Variants in SETD3 observed in about 807,000 individuals in gnomAD.
SETD3 encodes the protein SET domain containing 3, actin N3(tau)-histidine methyltransferase, also known as actin-histidine N-methyltransferase.
Under a neutral mutation model 63.0 loss-of-function variants are expected in SETD3, and 19 were observed. The ratio of observed to expected loss-of-function variants is 0.30; its 90% CI spans 0.21 to 0.44. The LOEUF (loss-of-function observed/expected upper bound fraction) is 0.44, where lower values mean the gene tolerates loss of function less well. SETD3 is among the 20% of genes least tolerant of loss of function. The probability of loss-of-function intolerance (pLI) is 1.00; values close to 1 mark genes in which losing one functional copy is unlikely to be tolerated. For missense variants in SETD3, 587 were observed against 728.5 expected, an observed-to-expected ratio of 0.81 and a Z score of 2.24; for synonymous variants, 286 against 264.1, an observed-to-expected ratio of 1.08 and a Z score of -0.80.
chr14:99,472,164 TC>T (rs1895738507), intron 1 of SETD3, among the ~76,000 whole-genome samples: 3 of 152,140 alleles, frequency 2.0e-5, no homozygotes, highest in African/African-American at 7.2e-5. Context: ...GGCCTGCAGT[TC>T]CCAAGGATGA....
intron 1 of SETD3, among the ~76,000 whole-genome samples, chr14:99,469,945 T>C (rs927315621): frequency 6.6e-6 from 1 of 152,184 alleles, no homozygotes; most frequent in African/African-American, 2.4e-5. Context: ...ATTCTTAAAC[T>C]TCATATAAGT....
At chr14:99,400,358 A>T in intron 11 of SETD3, 99 bp from the exon 12 acceptor site, 1 of 1,296,262 alleles carries the variant, frequency 7.7e-7, no homozygotes, top group Non-Finnish European at 1.1e-6. Context: ...CAACAACGCC[A>T]TTTTCCCACG....
intron 12 of SETD3, 86 bp downstream of exon 12, chr14:99,400,013 T>C: frequency 7.9e-7 from 1 of 1,264,588 alleles, no homozygotes; most frequent in Non-Finnish European, 1.1e-6. Context: ...AGTGCTGGGA[T>C]TACAGGCGTG....
At chr14:99,412,083 A>G (rs1424805494) in intron 8 of SETD3, 1 of 152,270 alleles carries the variant, frequency 6.6e-6, no homozygotes, top group Non-Finnish European at 1.5e-5. Context: ...CAGAGAAAAG[A>G]TGAACATAAA....
At chr14:99,416,424 G>T (rs1892294413) in intron 6 of SETD3, among the ~76,000 whole-genome samples, 2 of 152,182 alleles carry the variant, frequency 1.3e-5, no homozygotes, top group Non-Finnish European at 2.9e-5. Flanking sequence ...AGGTTTTGTT[G>T]ATTACAATAG....
At chr14:99,426,901 C>T (rs892160432) in intron 6 of SETD3, among the ~76,000 whole-genome samples, 1 of 152,146 alleles carries the variant, frequency 6.6e-6, no homozygotes, top group African/African-American at 2.4e-5. Flanking sequence ...GGGCAGAGGC[C>T]TTGCCTTTCA....
At position 99,406,542 on chromosome 14, in the gene SETD3, G is replaced by A. The variant is rs1422357947; in HGVS notation, c.898C>T (p.Leu300=). Residue 300 remains leucine, a synonymous_variant, in exon 9 of 13, where the codon CTG becomes TTG. Transcript: ENST00000331768. ...TGCTCTCCAGCCCGAAAATCCTGCA[G>A]AGCCACACACTCACAGCGGTCATCT... ...LEDDRCECVA[L]QDFRAGEQIY... The A allele has an allele frequency of 1.2e-6, 2 of 1,614,186 alleles. No homozygotes were observed. Among genetic ancestry groups the A allele is most frequent in the Non-Finnish European group, 1.7e-6 (2 of 1,180,042 alleles).
chr14:99,430,163 TGAG>T (rs972101440), intron 6 of SETD3, among the ~76,000 whole-genome samples: 1 of 152,188 alleles, frequency 6.6e-6, no homozygotes, highest in African/African-American at 2.4e-5. Context: ...TGGCTCCCAC[TGAG>T]GAGGAGAAGA....
At chr14:99,455,318 T>G (rs1338348354) in intron 6 of SETD3, among the ~76,000 whole-genome samples, 1 of 152,234 alleles carries the variant, frequency 6.6e-6, no homozygotes, top group African/African-American at 2.4e-5. Flanking sequence ...ATTTTCAACA[T>G]GCAATGCCAA....
At chr14:99,444,583 T>C (rs1000153048) in intron 6 of SETD3, among the ~76,000 whole-genome samples, 1 of 152,124 alleles carries the variant, frequency 6.6e-6, no homozygotes. Flanking sequence ...ACATCACCAA[T>C]GGGCCAGGTT....
rs775442946 is a variant in SETD3 at position 99,398,992 on chromosome 14, T to C, written c.1472A>G (p.Gln491Arg). ...SAAVNREYYR[Q>R]QMEEKAPLPK... is the part of the protein sequence containing the mutation. ...AAGCGGAGCCTTTTCCTCCATCTGT[T>C]GGCGATAGTATTCCCGGTTGACAGC... is the stretch of plus-strand genomic sequence containing the variant. The change falls in exon 13 of 13, where the codon CAA becomes CGA. Residue 491 changes from glutamine to arginine, a missense_variant. Coordinates refer to ENST00000331768, the MANE Select transcript of SETD3 (RefSeq NM_032233.3). The C allele has an allele frequency of 1.9e-6, 3 of 1,614,210 alleles. No individual in the cohort carries two copies. Among genetic ancestry groups the C allele is most frequent in the Non-Finnish European group, 2.5e-6 (3 of 1,180,040 alleles).
chr14:99,435,744 CTTT>C (rs60698845), intron 6 of SETD3, among the ~76,000 whole-genome samples: 5 of 130,848 alleles, frequency 3.8e-5, no homozygotes, highest in Non-Finnish European at 3.2e-5. Flanking sequence ...ACCCCCCCAC[CTTT>C]TTTTTTTTTT....
At position 99,400,392 on chromosome 14, in the gene SETD3, G is replaced by C. The variant is rs113032679; in HGVS notation, c.1178-133C>G. 3.8e-4 allele frequency: 351 copies of C among 925,446 alleles called. No homozygotes were observed. The African/African-American group carries it at 5.4e-3, about 14-fold the overall frequency. The allele number at this position is 925,446 out of a possible 1,614,324, so 57.3% of individuals were successfully genotyped here. Reference sequence around the variant, plus strand: ...CGGTAAAAGCTGTCCCTACGCAATGGGCCAGGCCACTCCTAGACTCTCCAA... The same window carrying C: ...CGGTAAAAGCTGTCCCTACGCAATGCGCCAGGCCACTCCTAGACTCTCCAA... On this transcript the variant is annotated intron_variant, in intron 11 of 12. Transcript: ENST00000331768.
intron 4 of SETD3, 46 bp downstream of exon 4, chr14:99,461,146 A>G: frequency 1.2e-6 from 2 of 1,606,182 alleles, no homozygotes; most frequent in East Asian, 4.5e-5. Context: ...AGCACACCAC[A>G]GTTCAAACAC....
intron 6 of SETD3, among the ~76,000 whole-genome samples, chr14:99,416,833 C>T (rs1019744224): frequency 6.6e-4 from 100 of 152,270 alleles, no homozygotes; most frequent in African/African-American, 2.3e-3. Flanking sequence ...TGAACCATTG[C>T]CGTGGCTCAT....
intron 6 of SETD3, among the ~76,000 whole-genome samples, chr14:99,436,836 C>T (rs1352232958): frequency 2.0e-5 from 3 of 152,156 alleles, no homozygotes; most frequent in Non-Finnish European, 4.4e-5. Context: ...TCTTCAGCAC[C>T]GGTTTAAGTC....
At chr14:99,437,682 C>CGT (rs150123655) in intron 6 of SETD3, among the ~76,000 whole-genome samples, 11 of 151,360 alleles carry the variant, frequency 7.3e-5, no homozygotes, top group African/African-American at 1.5e-4. Context: ...TACGTGTATA[C>CGT]GTGTGTGTGT....
At chr14:99,452,847 C>G (rs8015099) in intron 6 of SETD3, among the ~76,000 whole-genome samples, 149,682 of 152,308 alleles carry the variant, frequency 0.98, 73,598 homozygotes, top group East Asian at 1. Flanking sequence ...AGGCAGATCG[C>G]GGGGGGAGAA....
intron 6 of SETD3, among the ~76,000 whole-genome samples, chr14:99,426,401 C>T (rs1313669451): frequency 6.6e-6 from 1 of 152,216 alleles, no homozygotes; most frequent in Non-Finnish European, 1.5e-5. Flanking sequence ...ATCTTCCTGT[C>T]TGCTGGATGG....
Sources: allele counts gnomAD v4.1 joint callset (sites outside exome capture counted in the v4.1 genomes callset), GRCh38; gene constraint gnomAD v4.1.1; transcripts MANE v1.5; gene names NCBI Gene and HGNC (gene_info 2026-07-23, HGNC 2026-07-21).